The following SGIP1 variants were observed in gnomAD, a reference collection of about 807,000 sequenced individuals.
SGIP1 encodes SH3GL interacting endocytic adaptor 1.
A neutral mutation model predicts 107.5 loss-of-function variants in SGIP1; 38 were observed. The ratio of observed to expected loss-of-function variants is 0.35; its 90% confidence interval spans 0.27 to 0.46. The LOEUF (loss-of-function observed/expected upper bound fraction) is 0.46. SGIP1 is among the 20% of genes least tolerant of loss of function. The probability of loss-of-function intolerance (pLI) is 1.00; values close to 1 mark genes in which losing one functional copy is unlikely to be tolerated. For missense variants in SGIP1, 929 were observed against 1,019.5 expected, an observed-to-expected ratio of 0.91 and a Z score of 1.21; for synonymous variants, 365 against 366.1, an observed-to-expected ratio of 1.00 and a Z score of 0.03.
At chr1:66,625,226 T>C (rs1015956373) in intron 1 of SGIP1, among the ~76,000 whole-genome samples, 2 of 152,152 alleles carry the variant, frequency 1.3e-5, no homozygotes, top group African/African-American at 4.8e-5. Context: ...AAAGGATGAA[T>C]TGAAATTCTA....
At chr1:66,647,607 G>A (rs980980204) in intron 7 of SGIP1, among the ~76,000 whole-genome samples, 2 of 152,110 alleles carry the variant, frequency 1.3e-5, no homozygotes, top group South Asian at 2.1e-4. Context: ...ATTAGGAAAC[G>A]GGATTTCTTC....
At chr1:66,673,990 C>CA (rs2084553657) in intron 12 of SGIP1, among the ~76,000 whole-genome samples, 1 of 71,796 alleles carries the variant, frequency 1.4e-5, no homozygotes, top group East Asian at 3.7e-3. Flanking sequence ...CATACGGAGA[C>CA]CCCCATCTCT....
chr1:66,716,628 C>A (rs2093259673), intron 18 of SGIP1, among the ~76,000 whole-genome samples: 1 of 151,982 alleles, frequency 6.6e-6, no homozygotes. Flanking sequence ...CAGAGGCCTC[C>A]CATCTTCCGT....
At chr1:66,689,063 A>G (rs74436732) in intron 15 of SGIP1, 85 bp from the exon 16 acceptor site, 1 of 1,384,872 alleles carries the variant, frequency 7.2e-7, no homozygotes, top group African/African-American at 1.5e-5. Flanking sequence ...AAAAAAAAAA[A>G]ATGTCCGGGA....
At chr1:66,640,431 G>A (rs1169730393) in intron 5 of SGIP1, among the ~76,000 whole-genome samples, 1 of 152,164 alleles carries the variant, frequency 6.6e-6, no homozygotes, top group Non-Finnish European at 1.5e-5. Flanking sequence ...TGGCAGGAAA[G>A]GCTTCAGGGA....
rs570446450 is a variant in SGIP1 at position 66,748,315 on chromosome 1, G to C, written c.*5220G>C. The stretch of plus-strand genomic sequence containing the variant: ...ACAACAAAACACTTGCCTTTCTCTT[G>C]TGTCATTGCTTCAATGTTCTGTCAT... On this transcript the variant is annotated 3_prime_UTR_variant, in exon 25 of 25. Transcript: ENST00000371037. The C allele has an allele frequency of 6.6e-6, 1 of 152,018 alleles. No homozygotes were observed. Among genetic ancestry groups the C allele is most frequent in the East Asian group, 1.9e-4 (1 of 5,184 alleles). 9.4% of individuals were successfully genotyped at this position (152,018 alleles called of 1,614,324 possible). A position where few individuals can be genotyped will look rare whatever the true frequency, so the allele number is the denominator to read the frequency against.
intron 1 of SGIP1, among the ~76,000 whole-genome samples, chr1:66,574,795 T>C (rs2060832269): frequency 6.6e-6 from 1 of 152,212 alleles, no homozygotes; most frequent in South Asian, 2.1e-4. Flanking sequence ...GTCTGTTGCA[T>C]GTGTGTGCAC....
intron 19 of SGIP1, among the ~76,000 whole-genome samples, chr1:66,723,832 A>T (rs1222567124): frequency 6.6e-6 from 1 of 152,204 alleles, no homozygotes; most frequent in Non-Finnish European, 1.5e-5. Context: ...ACTTGTCTTC[A>T]CAATAGTAGA....
intron 18 of SGIP1, among the ~76,000 whole-genome samples, chr1:66,712,448 T>C (rs1242673592): frequency 6.6e-6 from 1 of 152,176 alleles, no homozygotes; most frequent in Non-Finnish European, 1.5e-5. Flanking sequence ...CTGCACATGA[T>C]TGGCGGAAGT....
rs577448426 is a variant in SGIP1 at position 66,568,446 on chromosome 1, A to G, written c.10+34078A>G. Among the ~76,000 whole-genome samples, 257 of 152,126 alleles carry G rather than the reference A, an allele frequency of 1.7e-3. 7 individuals are homozygous for G. The South Asian group carries it at 0.052, about 31-fold the overall frequency. On this transcript the variant is annotated intron_variant, in intron 1 of 24. Transcript: ENST00000371037. ...AGAATCATGTCATCTGCAAACAGAGACAATTTGACTTATTTTCTTCCTATG... is the reference window on the plus strand; with the variant it reads ...AGAATCATGTCATCTGCAAACAGAGGCAATTTGACTTATTTTCTTCCTATG...
intron 1 of SGIP1, among the ~76,000 whole-genome samples, chr1:66,572,717 A>G (rs1257191731): frequency 6.6e-6 from 1 of 152,106 alleles, no homozygotes; most frequent in Non-Finnish European, 1.5e-5. Context: ...AAGACTGAAT[A>G]TGCAGCCCCT....
chr1:66,609,139 TG>T (rs1322394058), intron 1 of SGIP1, among the ~76,000 whole-genome samples: 1 of 151,544 alleles, frequency 6.6e-6, no homozygotes, highest in African/African-American at 2.4e-5. Context: ...GGATCACCAA[TG>T]GGCACAAGAT....
chr1:66,633,273 G>C (rs1019977493), intron 3 of SGIP1, among the ~76,000 whole-genome samples, 179 bp downstream of exon 3: 9 of 152,092 alleles, frequency 5.9e-5, no homozygotes, highest in Admixed American at 2.0e-4. Context: ...TCCTGGTCAA[G>C]CTAGACTTAT....
chr1:66,662,750 G>A (rs2149737851), intron 8 of SGIP1, among the ~76,000 whole-genome samples: 1 of 152,222 alleles, frequency 6.6e-6, no homozygotes, highest in African/African-American at 2.4e-5. Context: ...AATAAAAGTA[G>A]AAGGGAAAAT....
chr1:66,630,534 C>T (rs2074044785), intron 2 of SGIP1, among the ~76,000 whole-genome samples: 1 of 151,808 alleles, frequency 6.6e-6, no homozygotes, highest in Non-Finnish European at 1.5e-5. Flanking sequence ...TGGCCAGGCA[C>T]CGTGGCTCAC....
In SGIP1 at chr1:66,710,943, G is replaced by A. The variant is rs142852728; in HGVS notation, c.1631-8351G>A. Among the ~76,000 whole-genome samples the A allele has an allele frequency of 8.5e-4, 130 of 152,220 alleles. 1 individual carries two copies. The highest frequency in any genetic ancestry group is 2.6e-3 in the African/African-American group (109 of 41,538). ...AACTCTCAATTAATTCTGCAATAAT[G>A]GCTCCATTTATGATCTTGAATCAAA... is the stretch of plus-strand genomic sequence containing the variant. On this transcript the variant is annotated intron_variant, in intron 18 of 24. Transcript: ENST00000371037.
intron 10 of SGIP1, among the ~76,000 whole-genome samples, chr1:66,671,469 C>G (rs183370297): frequency 7.2e-5 from 11 of 152,266 alleles, no homozygotes; most frequent in African/African-American, 2.6e-4. Context: ...CAATTTTCCT[C>G]TGCTGCATAC....
chr1:66,576,614 C>T (rs2061102848), intron 1 of SGIP1, among the ~76,000 whole-genome samples: 1 of 152,130 alleles, frequency 6.6e-6, no homozygotes, highest in Non-Finnish European at 1.5e-5. Context: ...CAAGATCTCC[C>T]AAATCAACCC....
At chr1:66,725,933 A>T (rs2093732775) in intron 19 of SGIP1, among the ~76,000 whole-genome samples, 1 of 152,228 alleles carries the variant, frequency 6.6e-6, no homozygotes, top group Admixed American at 6.5e-5. Context: ...AGGTGTGAAC[A>T]TGGCAGGAGG....
Sources: allele counts gnomAD v4.1 joint callset (sites outside exome capture counted in the v4.1 genomes callset), GRCh38; gene constraint gnomAD v4.1.1; transcripts MANE v1.5; gene names NCBI Gene and HGNC (gene_info 2026-07-23, HGNC 2026-07-21).